GRIN2A: variants seen among roughly 807,000 people sequenced by gnomAD.
GRIN2A encodes glutamate receptor ionotropic, NMDA 2A.
GRIN2A carries 22 observed loss-of-function variants against 113.4 expected under a neutral mutation model. The observed-to-expected ratio is 0.19, with a 90% CI of 0.14 to 0.28. The LOEUF (loss-of-function observed/expected upper bound fraction) is 0.28, where lower values mean the gene tolerates loss of function less well. GRIN2A is among the 10% of genes least tolerant of loss of function. GRIN2A has a pLI of 1.00. For missense variants in GRIN2A, 1,502 were observed against 1,887.0 expected, an observed-to-expected ratio of 0.80 and a Z score of 3.78; for synonymous variants, 827 against 738.4, an observed-to-expected ratio of 1.12 and a Z score of -1.94.
At chr16:9,830,213 G>A (rs2042465205) in intron 8 of GRIN2A, among the ~76,000 whole-genome samples, 1 of 152,160 alleles carries the variant, frequency 6.6e-6, no homozygotes. Flanking sequence ...ATTAAGGAAT[G>A]GAACAATAGA....
At chr16:10,073,663 A>G (rs72774139) in intron 2 of GRIN2A, among the ~76,000 whole-genome samples, 14,582 of 151,978 alleles carry the variant, frequency 0.096, 779 homozygotes, top group African/African-American at 0.11. Context: ...AAAATTAAAA[A>G]CTTTTATTCA....
intron 3 of GRIN2A, among the ~76,000 whole-genome samples, chr16:9,895,690 C>T (rs765740765): frequency 6.6e-6 from 1 of 152,194 alleles, no homozygotes; most frequent in Non-Finnish European, 1.5e-5. Context: ...CAAAGACCAC[C>T]AATGGCCTTT....
At chr16:10,037,170 T>G (rs1260507810) in intron 2 of GRIN2A, 1 of 152,164 alleles carries the variant, frequency 6.6e-6, no homozygotes, top group Non-Finnish European at 1.5e-5. Context: ...CCCGTGTCCT[T>G]ATGCAACATG....
chr16:9,884,750 C>CTTTTT (rs34469635), intron 4 of GRIN2A, among the ~76,000 whole-genome samples: 1 of 125,322 alleles, frequency 8.0e-6, no homozygotes, highest in Non-Finnish European at 1.7e-5. Context: ...TAGAGAATTT[C>CTTTTT]TTTTTTTTTT....
chr16:9,988,268 G>GGTGTGTGTGTGTGC (rs1156839436), intron 2 of GRIN2A, among the ~76,000 whole-genome samples: 1 of 121,768 alleles, frequency 8.2e-6, no homozygotes, highest in South Asian at 3.1e-4. Flanking sequence ...GATCCATAGG[G>GGTGTGTGTGTGTGC]GTGTGTGTGT....
At chr16:10,120,747 A>C (rs7191698) in intron 2 of GRIN2A, among the ~76,000 whole-genome samples, 128,241 of 152,026 alleles carry the variant, frequency 0.84, 54,897 homozygotes, top group East Asian at 0.92. Context: ...ATGGTCAAGG[A>C]AAGAGACCCA....
chr16:10,065,490 A>G (rs954112162), intron 2 of GRIN2A, among the ~76,000 whole-genome samples: 3 of 152,178 alleles, frequency 2.0e-5, no homozygotes, highest in Non-Finnish European at 4.4e-5. Context: ...TCCTTTCATA[A>G]AGTTGTTTTA....
intron 2 of GRIN2A, among the ~76,000 whole-genome samples, chr16:10,005,288 A>T (rs1043684523): frequency 6.6e-6 from 1 of 152,254 alleles, no homozygotes; most frequent in Non-Finnish European, 1.5e-5. Context: ...TTCTGGGCCA[A>T]TGTACCCTTA....
At chr16:9,970,007 T>G (rs1215902048) in intron 2 of GRIN2A, among the ~76,000 whole-genome samples, 3 of 152,228 alleles carry the variant, frequency 2.0e-5, no homozygotes, top group Non-Finnish European at 4.4e-5. Context: ...ACTCTCCGTG[T>G]GAATCTTATA....
At chr16:10,142,556 G>A (rs900289226) in intron 2 of GRIN2A, among the ~76,000 whole-genome samples, 3 of 152,074 alleles carry the variant, frequency 2.0e-5, no homozygotes, top group Admixed American at 1.3e-4. Flanking sequence ...ACCCGGGCAT[G>A]GTGGTGTGCG....
chr16:9,900,483 G>A (rs889828004), intron 3 of GRIN2A, among the ~76,000 whole-genome samples: 4 of 152,148 alleles, frequency 2.6e-5, no homozygotes, highest in Admixed American at 2.6e-4. Context: ...TAAAACTTGA[G>A]GTAGGTTAGG....
At chr16:9,801,429 C>T (rs1903354135) in intron 10 of GRIN2A, among the ~76,000 whole-genome samples, 1 of 152,158 alleles carries the variant, frequency 6.6e-6, no homozygotes, top group Non-Finnish European at 1.5e-5. Context: ...GGGGTGAAAC[C>T]TTCTCCTATC....
intron 2 of GRIN2A, among the ~76,000 whole-genome samples, chr16:10,148,740 G>A (rs1217610973): frequency 1.3e-5 from 2 of 152,006 alleles, no homozygotes; most frequent in Admixed American, 6.6e-5. Flanking sequence ...CAAAAGAAAG[G>A]AAATCAGTAT....
chr16:10,050,169 G>A (rs2047333291), intron 2 of GRIN2A, among the ~76,000 whole-genome samples: 1 of 152,208 alleles, frequency 6.6e-6, no homozygotes, highest in South Asian at 2.1e-4. Flanking sequence ...TAAGAGGGAG[G>A]TAGAAAGGGC....
At chr16:9,926,540 G>A (rs1254494908) in intron 3 of GRIN2A, among the ~76,000 whole-genome samples, 1 of 152,178 alleles carries the variant, frequency 6.6e-6, no homozygotes, top group African/African-American at 2.4e-5. Flanking sequence ...CTCTGGAGGT[G>A]AGCTATCAAA....
chr16:9,975,187 A>C (rs1321768296), intron 2 of GRIN2A, among the ~76,000 whole-genome samples: 1 of 152,194 alleles, frequency 6.6e-6, no homozygotes, highest in Non-Finnish European at 1.5e-5. Flanking sequence ...TAAATACTCT[A>C]AAAATCCATA....
At chr16:9,876,899 G>T (rs936175064) in intron 4 of GRIN2A, among the ~76,000 whole-genome samples, 1 of 152,218 alleles carries the variant, frequency 6.6e-6, no homozygotes, top group Non-Finnish European at 1.5e-5. Context: ...GACAGTCATA[G>T]TGTATAGTTA....
chr16:9,891,898 G>A (rs530954453), intron 3 of GRIN2A, among the ~76,000 whole-genome samples: 26 of 152,268 alleles, frequency 1.7e-4, no homozygotes, highest in Non-Finnish European at 2.8e-4. Flanking sequence ...AACAGAAAGT[G>A]CAGGATTTTA....
chr16:9,849,093 TAAATATATA>T (rs1596493639), intron 5 of GRIN2A, among the ~76,000 whole-genome samples: 2 of 91,770 alleles, frequency 2.2e-5, no homozygotes, highest in South Asian at 4.4e-4. Flanking sequence ...TTTATATATT[TAAATATATA>T]AAATATACTG....
Sources: allele counts gnomAD v4.1 joint callset (sites outside exome capture counted in the v4.1 genomes callset), GRCh38; gene constraint gnomAD v4.1.1; transcripts MANE v1.5; gene names NCBI Gene and HGNC (gene_info 2026-07-23, HGNC 2026-07-21).